TMEM154: variants seen among roughly 807,000 people sequenced by gnomAD.
The protein encoded by TMEM154 is transmembrane protein 154.
A neutral mutation model predicts 24.5 loss-of-function variants in TMEM154; 27 were observed. The observed-to-expected ratio is 1.10, with a 90% CI of 0.81 to 1.52. TMEM154 has a LOEUF of 1.52. TMEM154 is among the 40% of genes most tolerant of loss of function. The pLI is 0.00. For synonymous variants in TMEM154, 67 were observed against 76.8 expected (o/e 0.87, Z 0.67); for missense variants, 228 against 213.4 (o/e 1.07, Z -0.43).
Position 152,619,802 on chromosome 4 carries a change from A to T in TMEM154, c.*8744T>A, listed in dbSNP as rs949132693. The T allele has an allele frequency of 6.6e-6, 1 of 152,204 alleles. No individual in the cohort carries two copies. The highest frequency in any genetic ancestry group is 1.5e-5 in the Non-Finnish European group (1 of 68,040). 9.4% of individuals were successfully genotyped at this position (152,204 alleles called of 1,614,324 possible). A position where few individuals can be genotyped will look rare whatever the true frequency, so the allele number is the denominator to read the frequency against. On this transcript the variant is annotated 3_prime_UTR_variant, in exon 7 of 7. Transcript: ENST00000304385. ...AAGTGGGACCCCCAGATCCAGTTGA[A>T]CTGCCCAGCCAATGCCGTGTGGGAG...
At chr4:152,644,325 T>C in intron 4 of TMEM154, 90 bp downstream of exon 4, 1 of 1,453,614 alleles carries the variant, frequency 6.9e-7, no homozygotes, top group Non-Finnish European at 9.6e-7. Context: ...CCGCAAGATG[T>C]CAGAACAAAA....
At chr4:152,667,579 T>C (rs888288889) in intron 1 of TMEM154, among the ~76,000 whole-genome samples, 6 of 152,372 alleles carry the variant, frequency 3.9e-5, no homozygotes, top group African/African-American at 1.4e-4. Context: ...TTTTATTAAG[T>C]GAAAGCCTTC....
Position 152,622,747 on chromosome 4 carries a change from C to T in TMEM154, c.*5799G>A, listed in dbSNP as rs192672322. ...TACTATACATATTATTCTCAGTATG[C>T]AAAGTAGGAGAAAAACACCTAAAAC... is the stretch of plus-strand genomic sequence containing the variant. On this transcript the variant is annotated 3_prime_UTR_variant, in exon 7 of 7. Coordinates refer to ENST00000304385, the MANE Select transcript of TMEM154 (RefSeq NM_152680.3). 7.9e-5 allele frequency: 12 copies of T among 152,162 alleles called. No homozygotes were observed. The highest frequency in any genetic ancestry group is 1.3e-4 in the Non-Finnish European group (9 of 67,988). 9.4% of individuals were successfully genotyped at this position (152,162 alleles called of 1,614,324 possible). A position where few individuals can be genotyped will look rare whatever the true frequency, so the allele number is the denominator to read the frequency against.
At chr4:152,648,146 A>G (rs1451013468) in intron 3 of TMEM154, among the ~76,000 whole-genome samples, 1 of 152,192 alleles carries the variant, frequency 6.6e-6, no homozygotes, top group Non-Finnish European at 1.5e-5. Flanking sequence ...AGAGATGGTA[A>G]TTAATTTTTC....
At chr4:152,667,568 A>G (rs534892373) in intron 1 of TMEM154, among the ~76,000 whole-genome samples, 1 of 152,360 alleles carries the variant, frequency 6.6e-6, no homozygotes, top group South Asian at 2.1e-4. Context: ...ATATTTGCCA[A>G]TTTTATTAAG....
chr4:152,633,450 G>T (rs746501278), intron 6 of TMEM154, among the ~76,000 whole-genome samples: 1 of 152,026 alleles, frequency 6.6e-6, no homozygotes, highest in Non-Finnish European at 1.5e-5. Context: ...TGTCTTTTTG[G>T]CTATTTATTT....
At chr4:152,646,745 G>A (rs556019988) in intron 3 of TMEM154, 24 of 565,392 alleles carry the variant, frequency 4.2e-5, no homozygotes, top group Admixed American at 2.2e-4. Flanking sequence ...CTGTGCATTC[G>A]ATAGTGGGGT....
At chr4:152,678,172 A>G (rs921706132) in intron 1 of TMEM154, among the ~76,000 whole-genome samples, 3 of 152,150 alleles carry the variant, frequency 2.0e-5, no homozygotes, top group African/African-American at 7.2e-5. Flanking sequence ...AGGAGGTTGC[A>G]GTGAGAGTCT....
chr4:152,678,514 T>G, intron 1 of TMEM154, among the ~76,000 whole-genome samples: 1 of 115,662 alleles, frequency 8.6e-6, no homozygotes, highest in African/African-American at 3.4e-5. Context: ...AGACAGTGAT[T>G]GGTTCCGGGG....
chr4:152,634,959 T>A (rs887220215), intron 6 of TMEM154, among the ~76,000 whole-genome samples: 2 of 152,222 alleles, frequency 1.3e-5, no homozygotes, highest in Non-Finnish European at 2.9e-5. Context: ...GACTTCAGAT[T>A]TTTTTACTTA....
chr4:152,673,020 G>T (rs973568582), intron 1 of TMEM154, among the ~76,000 whole-genome samples: 1 of 152,140 alleles, frequency 6.6e-6, no homozygotes, highest in African/African-American at 2.4e-5. Context: ...CTGAGCCCTG[G>T]ACTACCATCT....
intron 5 of TMEM154, among the ~76,000 whole-genome samples, chr4:152,641,661 CTTTTTTTTTTT>C (rs5863014): frequency 1.6e-5 from 2 of 126,948 alleles, no homozygotes; most frequent in South Asian, 5.1e-4. Context: ...TTTCTTCTAC[CTTTTTTTTTTT>C]TTTTTTTGCA....
chr4:152,669,631 TAA>T (rs1728787279), intron 1 of TMEM154: 1 of 152,186 alleles, frequency 6.6e-6, no homozygotes, highest in Admixed American at 6.5e-5. Flanking sequence ...CAAACAAGTA[TAA>T]GTCTTAGAAA....
chr4:152,677,917 T>C (rs1160195466), intron 1 of TMEM154, among the ~76,000 whole-genome samples: 3 of 152,124 alleles, frequency 2.0e-5, no homozygotes, highest in South Asian at 4.1e-4. Flanking sequence ...TCACAGCCAG[T>C]TGGGAGGCAT....
intron 1 of TMEM154, among the ~76,000 whole-genome samples, chr4:152,654,487 C>G (rs1388494481): frequency 1.3e-5 from 2 of 152,182 alleles, no homozygotes; most frequent in East Asian, 3.8e-4. Context: ...TGTTTGGTCA[C>G]TGCTATGAAT....
At chr4:152,655,260 G>T (rs894889397) in intron 1 of TMEM154, among the ~76,000 whole-genome samples, 14 of 152,322 alleles carry the variant, frequency 9.2e-5, no homozygotes, top group South Asian at 2.1e-4. Context: ...AGACTGGCTG[G>T]GAGCCAGGAG....
intron 1 of TMEM154, among the ~76,000 whole-genome samples, chr4:152,654,961 C>G (rs1191636576): frequency 6.6e-6 from 1 of 152,008 alleles, no homozygotes; most frequent in African/African-American, 2.4e-5. Flanking sequence ...CCCAAACCAT[C>G]AGAATCAATT....
At chr4:152,661,515 C>A (rs893142271) in intron 1 of TMEM154, among the ~76,000 whole-genome samples, 2 of 151,992 alleles carry the variant, frequency 1.3e-5, no homozygotes, top group Admixed American at 1.3e-4. Context: ...TTGCCCTTGC[C>A]CTGGGGTGCA....
intron 1 of TMEM154, among the ~76,000 whole-genome samples, chr4:152,661,323 TCTCTCTCTCTCTCTC>T (rs1728604082): frequency 2.8e-5 from 4 of 144,994 alleles, no homozygotes; most frequent in African/African-American, 1.0e-4. Flanking sequence ...TCTCTCTCTC[TCTCTCTCTCTCTCTC>T]TCTCCCCCCA....
Sources: allele counts gnomAD v4.1 joint callset (sites outside exome capture counted in the v4.1 genomes callset), GRCh38; gene constraint gnomAD v4.1.1; transcripts MANE v1.5; gene names NCBI Gene and HGNC (gene_info 2026-07-23, HGNC 2026-07-21).